Variants in DIP2B observed in about 807,000 individuals in gnomAD.
DIP2B encodes DIP2 acetate--CoA ligase B (putative), also known as disco-interacting protein 2 homolog B.
In DIP2B, 76 loss-of-function variants were observed where a neutral mutation model predicts 198.0. The observed-to-expected ratio is 0.38, with a 90% CI of 0.32 to 0.46. DIP2B has a LOEUF of 0.46. Among genes scored for constraint, DIP2B ranks in the 20% least tolerant of loss-of-function variants. DIP2B has a pLI of 0.99. For missense variants in DIP2B, 1,559 were observed against 1,978.4 expected (o/e 0.79, Z 4.02); for synonymous variants, 701 against 739.1 (o/e 0.95, Z 0.84).
intron 1 of DIP2B, among the ~76,000 whole-genome samples, chr12:50,587,985 A>G (rs928039069): frequency 1.3e-5 from 2 of 152,196 alleles, no homozygotes; most frequent in African/African-American, 4.8e-5. Flanking sequence ...ATAAAAATAT[A>G]TAGGCTTAGG....
intron 3 of DIP2B, among the ~76,000 whole-genome samples, chr12:50,649,685 C>T (rs1165264284): frequency 6.6e-6 from 1 of 152,070 alleles, no homozygotes; most frequent in Non-Finnish European, 1.5e-5. Context: ...GAAACTCCAT[C>T]TCTACTAAAA....
chr12:50,731,362 A>G lies in DIP2B; in HGVS notation c.3642-7A>G. 2 of 1,611,640 alleles carry G rather than the reference A, an allele frequency of 1.2e-6. No individual in the cohort carries two copies. Among genetic ancestry groups the G allele is most frequent in the Non-Finnish European group, 1.7e-6 (2 of 1,178,896 alleles). Reference sequence around the variant, plus strand: ...GATGATTCCAGCTCTTGTCTCTTTCACTGCAGTGTCTATTCAGGCCACCAG... The same window carrying G: ...GATGATTCCAGCTCTTGTCTCTTTCGCTGCAGTGTCTATTCAGGCCACCAG... On this transcript the variant is annotated splice_region_variant and splice_polypyrimidine_tract_variant and intron_variant, in intron 30 of 37. Transcript: ENST00000301180.
chr12:50,650,888 A>G (rs1222468358), intron 3 of DIP2B, among the ~76,000 whole-genome samples: 1 of 152,074 alleles, frequency 6.6e-6, no homozygotes, highest in Non-Finnish European at 1.5e-5. Context: ...ACTCCGTACT[A>G]TTTTCCTTAG....
intron 1 of DIP2B, among the ~76,000 whole-genome samples, chr12:50,597,298 A>G (rs764952759): frequency 2.6e-5 from 4 of 152,238 alleles, no homozygotes; most frequent in Admixed American, 6.5e-5. Context: ...TTTAAAAAAT[A>G]TTTTAAGAAA....
At chr12:50,639,670 G>A (rs1280645609) in intron 2 of DIP2B, among the ~76,000 whole-genome samples, 5 of 151,848 alleles carry the variant, frequency 3.3e-5, no homozygotes, top group African/African-American at 7.3e-5. Context: ...TGCTGTGTAG[G>A]TGACATCTTA....
At chr12:50,554,047 G>A (rs1448398857) in intron 1 of DIP2B, among the ~76,000 whole-genome samples, 1 of 152,138 alleles carries the variant, frequency 6.6e-6, no homozygotes, top group Non-Finnish European at 1.5e-5. Context: ...AAAGAGGCAA[G>A]TAATTTTATA....
intron 1 of DIP2B, among the ~76,000 whole-genome samples, chr12:50,555,891 C>G (rs1051166456): frequency 6.6e-6 from 1 of 152,156 alleles, no homozygotes; most frequent in Non-Finnish European, 1.5e-5. Context: ...ACACACATAT[C>G]AAAGGATAGC....
intron 1 of DIP2B, among the ~76,000 whole-genome samples, chr12:50,585,432 C>T (rs956520955): frequency 1.3e-4 from 20 of 152,180 alleles, no homozygotes; most frequent in African/African-American, 4.6e-4. Context: ...AGCTGCTCTT[C>T]TAGTCAGAGT....
intron 23 of DIP2B, among the ~76,000 whole-genome samples, chr12:50,717,613 C>T (rs1460244000): frequency 3.9e-5 from 6 of 152,094 alleles, no homozygotes; most frequent in African/African-American, 9.6e-5. Context: ...GTGATCCGCC[C>T]GCCTCGGCCT....
intron 2 of DIP2B, among the ~76,000 whole-genome samples, chr12:50,637,338 A>G (rs1938178724): frequency 6.6e-6 from 1 of 152,200 alleles, no homozygotes; most frequent in African/African-American, 2.4e-5. Context: ...TTTCTAGTCC[A>G]GTCTCATTTT....
chr12:50,611,868 C>T (rs1011926973), intron 1 of DIP2B, among the ~76,000 whole-genome samples: 4 of 152,100 alleles, frequency 2.6e-5, no homozygotes, highest in African/African-American at 9.7e-5. Flanking sequence ...CTTGTCGTTG[C>T]TTTTGTCTTT....
chr12:50,624,436 A>G (rs1023780632), intron 1 of DIP2B, among the ~76,000 whole-genome samples: 2 of 151,988 alleles, frequency 1.3e-5, no homozygotes, highest in Non-Finnish European at 2.9e-5. Context: ...GGGTTCAAGC[A>G]ATTCTCCTGC....
At position 50,640,846 on chromosome 12, in the gene DIP2B, C is replaced by T; in HGVS notation, c.295C>T (p.Arg99Ter). The part of the protein sequence containing the change: ...RSGGARDERY[R>*]SDIHTEAVQA... Reference sequence around the variant, plus strand: ...TGGGGGAGCCAGGGATGAACGATATCGATCAGGTGAGGAGAAGCTGCAGAA... The same window carrying T: ...TGGGGGAGCCAGGGATGAACGATATTGATCAGGTGAGGAGAAGCTGCAGAA... The change falls in exon 3 of 38, where the codon CGA becomes TGA. Residue 99 changes from arginine (R) to a stop codon, truncating the protein, a stop_gained. Transcript: ENST00000301180. LOFTEE classifies it high-confidence loss of function. The T allele has an allele frequency of 6.2e-7, 1 of 1,613,414 alleles. No individual in the cohort carries two copies. Among genetic ancestry groups the T allele is most frequent in the East Asian group, 2.2e-5 (1 of 44,870 alleles).
At position 50,567,306 on chromosome 12, in the gene DIP2B, A is replaced by G. The variant is rs549032495; in HGVS notation, c.101-58670A>G. ...AGAAATTGACATTGGTGCAATCCAC[A>G]GATTTTATTGAGATTTTTCCATGTA... On this transcript the variant is annotated intron_variant, in intron 1 of 37. Coordinates refer to ENST00000301180, the MANE Select transcript of DIP2B (RefSeq NM_173602.3). Among the ~76,000 whole-genome samples, 22 of 152,284 alleles carry G rather than the reference A, an allele frequency of 1.4e-4. 2 individuals carry two copies. In the South Asian group the frequency reaches 2.3e-3, roughly 16 times the overall value.
At chr12:50,583,501 G>A (rs1565833227) in intron 1 of DIP2B, among the ~76,000 whole-genome samples, 1 of 152,132 alleles carries the variant, frequency 6.6e-6, no homozygotes, top group African/African-American at 2.4e-5. Flanking sequence ...GTCTCCCGGA[G>A]CATCCCTATT....
intron 1 of DIP2B, among the ~76,000 whole-genome samples, chr12:50,531,147 G>T (rs909268097): frequency 2.0e-5 from 3 of 152,198 alleles, no homozygotes; most frequent in African/African-American, 7.2e-5. Context: ...CTGGGTTCAC[G>T]CCATTCTCCT....
At chr12:50,625,778 A>G (rs1328595066) in intron 1 of DIP2B, among the ~76,000 whole-genome samples, 198 bp from the exon 2 acceptor site, 1 of 152,168 alleles carries the variant, frequency 6.6e-6, no homozygotes, top group Non-Finnish European at 1.5e-5. Context: ...GCTCTACAGT[A>G]TTCTACAGGA....
At chr12:50,706,456 T>A in intron 20 of DIP2B, 82 bp from the exon 21 acceptor site, 1 of 1,505,786 alleles carries the variant, frequency 6.6e-7, no homozygotes, top group South Asian at 1.2e-5. Context: ...TAAATGAGAT[T>A]TATTTAAAGG....
At chr12:50,510,203 A>T (rs1958002045) in intron 1 of DIP2B, among the ~76,000 whole-genome samples, 1 of 152,242 alleles carries the variant, frequency 6.6e-6, no homozygotes, top group Non-Finnish European at 1.5e-5. Context: ...TGTCAAAAAA[A>T]ATCAGAATGA....
Sources: allele counts gnomAD v4.1 joint callset (sites outside exome capture counted in the v4.1 genomes callset), GRCh38; gene constraint gnomAD v4.1.1; transcripts MANE v1.5; gene names NCBI Gene and HGNC (gene_info 2026-07-23, HGNC 2026-07-21).